Variants in CNGB3 observed in about 807,000 individuals in gnomAD.
CNGB3 encodes the protein cyclic nucleotide-gated channel beta-3.
Under a neutral mutation model 92.8 loss-of-function variants are expected in CNGB3, and 86 were observed. That is an observed-to-expected ratio of 0.93 (90% CI 0.78 to 1.11). The LOEUF (loss-of-function observed/expected upper bound fraction) is 1.11. CNGB3 is among the 50% of genes least tolerant of loss of function. The probability of loss-of-function intolerance (pLI) is 0.00; values close to 1 mark genes in which losing one functional copy is unlikely to be tolerated. For missense variants in CNGB3, 1,026 were observed against 956.8 expected, an observed-to-expected ratio of 1.07 and a Z score of -0.95; for synonymous variants, 333 against 332.7, an observed-to-expected ratio of 1.00 and a Z score of -0.01.
intron 15 of CNGB3, among the ~76,000 whole-genome samples, chr8:86,594,760 G>T (rs1822132183): frequency 1.3e-5 from 2 of 152,106 alleles, no homozygotes; most frequent in Non-Finnish European, 2.9e-5. Flanking sequence ...CCAGGCTGGA[G>T]TGCGGTGGCA....
In CNGB3 at chr8:86,617,425, G is replaced by T. The variant is rs1169203499; in HGVS notation, c.1579-5754C>A. The stretch of plus-strand genomic sequence containing the variant: ...TGCTTATTACAAAAAGACGTGCTTT[G>T]TTCTACCTTAAACCCCATTCTCATT... On this transcript the variant is annotated intron_variant, in intron 13 of 17. Coordinates refer to ENST00000320005, the MANE Select transcript of CNGB3 (RefSeq NM_019098.5). Among the ~76,000 whole-genome samples, 4 of 152,094 alleles carry T rather than the reference G, an allele frequency of 2.6e-5. No individual in the cohort carries two copies. In the East Asian group the frequency reaches 7.7e-4, roughly 29 times the overall value.
At chr8:86,618,959 C>A (rs1424743722) in intron 13 of CNGB3, among the ~76,000 whole-genome samples, 1 of 152,232 alleles carries the variant, frequency 6.6e-6, no homozygotes, top group Non-Finnish European at 1.5e-5. Context: ...AAGTCACAGC[C>A]TTTGCAGGCT....
intron 3 of CNGB3, among the ~76,000 whole-genome samples, chr8:86,720,833 TATGTATACACAC>T (rs1344497903): frequency 9.4e-5 from 5 of 53,472 alleles, no homozygotes; most frequent in African/African-American, 4.5e-4. Flanking sequence ...TATATATATA[TATGTATACACAC>T]ACACACACAC....
rs1866907 is a variant in CNGB3, at chr8:86,629,175, G to T, written c.1321-97C>A. 0.065 allele frequency: 85,563 copies of T among 1,308,128 alleles called. 3,538 individuals are homozygous for T. Among genetic ancestry groups the T allele is most frequent in the Non-Finnish European group, 0.082 (73,804 of 904,270 alleles). The allele number at this position is 1,308,128 out of a possible 1,614,324, so 81.0% of individuals were successfully genotyped here. On this transcript the variant is annotated intron_variant, in intron 11 of 17. Transcript: ENST00000320005. ...TCCACATGATATACTTCCTTCTAAT[G>T]CCCTGATTACTTGATTTTATTCATT...
chr8:86,594,268 G>T, intron 15 of CNGB3: 1 of 262,378 alleles, frequency 3.8e-6, no homozygotes, highest in Non-Finnish European at 7.6e-6. Flanking sequence ...TGAGCTTTCG[G>T]ATGCCCTCCG....
At position 86,668,088 on chromosome 8, in the gene CNGB3, C is replaced by A; in HGVS notation, c.574G>T (p.Val192Phe). The A allele has an allele frequency of 1.9e-6, 3 of 1,613,518 alleles. No homozygotes were observed. The highest frequency in any genetic ancestry group is 2.5e-6 in the Non-Finnish European group (3 of 1,179,914). The part of the protein sequence containing the change: ...EHYYRLLWFK[V>F]KKMPLTEYLK... The stretch of plus-strand genomic sequence containing the variant: ...TACTCTGTTAAAGGCATCTTTTTGA[C>A]TTTGAACCACAACAGCCTGTAGTAA... The change falls in exon 5 of 18, where the codon GTC becomes TTC. Residue 192 changes from valine (V) to phenylalanine (F), a missense_variant. By Grantham distance (50) the Val-to-Phe change is conservative. Transcript: ENST00000320005.
At chr8:86,643,919 A>T (rs1823242714) in intron 9 of CNGB3, 46 bp from the exon 10 acceptor site, 1 of 1,587,472 alleles carries the variant, frequency 6.3e-7, no homozygotes, top group Admixed American at 1.7e-5. Context: ...TTGTTTCTGA[A>T]ATACAGCCTA....
chr8:86,611,437 C>T (rs1009610900), intron 14 of CNGB3, 151 bp downstream of exon 14: 9 of 675,514 alleles, frequency 1.3e-5, no homozygotes, highest in African/African-American at 1.8e-5. Context: ...TCTGAGAGCA[C>T]GTTATTGCTG....
At chr8:86,662,730 A>C (rs981006054) in intron 6 of CNGB3, among the ~76,000 whole-genome samples, 8 of 152,112 alleles carry the variant, frequency 5.3e-5, no homozygotes, top group Non-Finnish European at 1.0e-4. Flanking sequence ...AGTGGGCACA[A>C]GCACTCTAGC....
intron 3 of CNGB3, among the ~76,000 whole-genome samples, chr8:86,679,186 C>A (rs903527756): frequency 3.9e-5 from 6 of 152,160 alleles, no homozygotes; most frequent in African/African-American, 1.4e-4. Flanking sequence ...GAAAGCTCAT[C>A]ATATTCTGTA....
At chr8:86,584,151 G>A (rs1821846441) in intron 15 of CNGB3, among the ~76,000 whole-genome samples, 1 of 152,102 alleles carries the variant, frequency 6.6e-6, no homozygotes, top group African/African-American at 2.4e-5. Context: ...GTATCATTCT[G>A]TCTGTCCTCT....
chr8:86,654,016 A>C lies in CNGB3; in HGVS notation c.899T>G (p.Phe300Cys). 1 of 1,593,866 alleles carries C rather than the reference A, an allele frequency of 6.3e-7. No individual in the cohort carries two copies. Among genetic ancestry groups the C allele is most frequent in the Non-Finnish European group, 8.6e-7 (1 of 1,161,854 alleles). The change falls in exon 7 of 18, where the codon TTT (phenylalanine) becomes TGT (cysteine). Residue 300 changes from phenylalanine to cysteine, a missense_variant. Transcript: ENST00000320005. ...LRKHYRTSTK[F>C]QLDVASIIPF... is the part of the protein sequence containing the mutation. ...TTGAAATTGTTTGTCACCTACCTGAAATTTTGTAGAAGTCCTGTAGTGTTT... is the reference window on the plus strand; with the variant it reads ...TTGAAATTGTTTGTCACCTACCTGACATTTTGTAGAAGTCCTGTAGTGTTT...
chr8:86,730,082 T>C (rs1390570409), intron 2 of CNGB3, among the ~76,000 whole-genome samples: 1 of 152,148 alleles, frequency 6.6e-6, no homozygotes, highest in East Asian at 1.9e-4. Flanking sequence ...TAGAGTTTGC[T>C]CTCCACACAC....
chr8:86,679,298 A>G (rs919480582), intron 3 of CNGB3, among the ~76,000 whole-genome samples: 2 of 151,956 alleles, frequency 1.3e-5, no homozygotes, highest in African/African-American at 4.8e-5. Context: ...CTTCCTTATT[A>G]GTTTGTTTAT....
intron 14 of CNGB3, among the ~76,000 whole-genome samples, chr8:86,608,885 C>T (rs546887689): frequency 1.1e-4 from 17 of 152,252 alleles, no homozygotes; most frequent in African/African-American, 4.1e-4. Flanking sequence ...GCCAGACATT[C>T]GGGGCCACTA....
At chr8:86,717,688 T>C (rs762646491) in intron 3 of CNGB3, among the ~76,000 whole-genome samples, 15 of 151,940 alleles carry the variant, frequency 9.9e-5, no homozygotes, top group Non-Finnish European at 2.2e-4. Context: ...TGGACTTATC[T>C]ACCCAACAAC....
intron 3 of CNGB3, among the ~76,000 whole-genome samples, chr8:86,694,973 C>T (rs1339168214): frequency 6.6e-6 from 1 of 152,172 alleles, no homozygotes; most frequent in Admixed American, 6.5e-5. Context: ...TGTAGCGAGC[C>T]GAGATCACGC....
At chr8:86,705,317 A>G (rs529274474) in intron 3 of CNGB3, among the ~76,000 whole-genome samples, 13 of 152,232 alleles carry the variant, frequency 8.5e-5, no homozygotes, top group Admixed American at 8.5e-4. Flanking sequence ...AAATTGTACT[A>G]TGCACCAGTA....
intron 2 of CNGB3, among the ~76,000 whole-genome samples, chr8:86,739,177 G>A (rs918709815): frequency 6.6e-6 from 1 of 152,286 alleles, no homozygotes; most frequent in Admixed American, 6.5e-5. Context: ...AATCGAGTGT[G>A]GTAGCCTTAG....
Sources: allele counts gnomAD v4.1 joint callset (sites outside exome capture counted in the v4.1 genomes callset), GRCh38; gene constraint gnomAD v4.1.1; transcripts MANE v1.5; gene names NCBI Gene and HGNC (gene_info 2026-07-23, HGNC 2026-07-21).